Variants in SSBP2 observed in about 807,000 individuals in gnomAD.
SSBP2 encodes single-stranded DNA-binding protein 2.
In SSBP2, 17 loss-of-function variants were observed where a neutral mutation model predicts 61.8. The ratio of observed to expected loss-of-function variants is 0.28; its 90% CI spans 0.19 to 0.41. The LOEUF is 0.41. Among genes scored for constraint, SSBP2 ranks in the 10% least tolerant of loss-of-function variants. The pLI, the probability that SSBP2 is intolerant of heterozygous loss-of-function variation, is 1.00. For missense variants in SSBP2, 310 were observed against 458.7 expected, an observed-to-expected ratio of 0.68 and a Z score of 2.96; for synonymous variants, 139 against 141.3, an observed-to-expected ratio of 0.98 and a Z score of 0.12.
At chr5:81,550,655 T>A (rs952496165) in intron 4 of SSBP2, among the ~76,000 whole-genome samples, 2 of 152,184 alleles carry the variant, frequency 1.3e-5, no homozygotes, top group African/African-American at 4.8e-5. Context: ...TCACAACATG[T>A]CAACAACTCT....
chr5:81,526,751 C>A (rs951597164), intron 4 of SSBP2, among the ~76,000 whole-genome samples: 1 of 151,902 alleles, frequency 6.6e-6, no homozygotes, highest in African/African-American at 2.4e-5. Flanking sequence ...TTGTGCTCAG[C>A]AGACCTTTGT....
intron 4 of SSBP2, 55 bp from the exon 5 acceptor site, chr5:81,513,772 C>A (rs1768798048): frequency 1.8e-6 from 2 of 1,141,832 alleles, no homozygotes; most frequent in Non-Finnish European, 2.6e-6. Context: ...GGCACAAAAC[C>A]AAAGACTAAT....
At chr5:81,622,883 G>A (rs538558336) in intron 3 of SSBP2, among the ~76,000 whole-genome samples, 17 of 152,252 alleles carry the variant, frequency 1.1e-4, no homozygotes, top group Admixed American at 2.0e-4. Context: ...GGGGAAAAAC[G>A]TGAAAAACTG....
At chr5:81,462,035 T>C (rs1182619911) in intron 9 of SSBP2, among the ~76,000 whole-genome samples, 2 of 152,158 alleles carry the variant, frequency 1.3e-5, no homozygotes, top group African/African-American at 4.8e-5. Flanking sequence ...AAAAATCCCT[T>C]GATTCTAAGA....
chr5:81,482,181 T>A (rs977453240), intron 6 of SSBP2, among the ~76,000 whole-genome samples: 48 of 152,206 alleles, frequency 3.2e-4, no homozygotes, highest in African/African-American at 1.1e-3. Flanking sequence ...TGATCTCAAG[T>A]TATCCATGTG....
At chr5:81,583,358 A>C (rs146337631) in intron 4 of SSBP2, among the ~76,000 whole-genome samples, 2 of 152,058 alleles carry the variant, frequency 1.3e-5, no homozygotes, top group African/African-American at 2.4e-5. Flanking sequence ...GGCTGGGCGC[A>C]GTGGCTCACG....
chr5:81,517,039 A>G (rs1165714021), intron 4 of SSBP2, among the ~76,000 whole-genome samples: 3 of 152,094 alleles, frequency 2.0e-5, no homozygotes, highest in Admixed American at 1.3e-4. Flanking sequence ...GAACTACTAG[A>G]AAGCATTAGT....
At chr5:81,624,981 T>C (rs1015746324) in intron 3 of SSBP2, among the ~76,000 whole-genome samples, 2 of 152,166 alleles carry the variant, frequency 1.3e-5, no homozygotes, top group Non-Finnish European at 2.9e-5. Context: ...AAACTAGTGA[T>C]GAATTCAAAA....
Position 81,431,663 on chromosome 5 carries a change from C to T in SSBP2, c.958-2980G>A, listed in dbSNP as rs528309913. Among the ~76,000 whole-genome samples, 45 of 152,130 alleles carry T rather than the reference C, an allele frequency of 3.0e-4. 1 individual carries two copies. In the South Asian group the frequency reaches 8.7e-3, roughly 30 times the overall value. The stretch of plus-strand genomic sequence containing the variant: ...ACAGTGGTGAGATCACAGCTCATTG[C>T]AGCCTTGGACTCTTGGGCTCAAGTG... On this transcript the variant is annotated intron_variant, in intron 15 of 16. Coordinates refer to ENST00000320672, the MANE Select transcript of SSBP2 (RefSeq NM_012446.5).
At chr5:81,477,445 TG>T (rs1765666594) in intron 6 of SSBP2, among the ~76,000 whole-genome samples, 1 of 152,228 alleles carries the variant, frequency 6.6e-6, no homozygotes, top group African/African-American at 2.4e-5. Flanking sequence ...TTTCTAGGTT[TG>T]TAAGTATTTT....
chr5:81,681,162 C>G lies in SSBP2; in HGVS notation c.63-30823G>C, dbSNP rs538321910. On this transcript the variant is annotated intron_variant, in intron 1 of 16. Coordinates refer to ENST00000320672, the MANE Select transcript of SSBP2 (RefSeq NM_012446.5). ...TATTTGGAGGTTAAACAATGCACTT[C>G]TAAACACACACACAAGTCAAAGAAG... is the stretch of plus-strand genomic sequence containing the variant. 7.0e-4 allele frequency among the ~76,000 whole-genome samples: 106 copies of G among 152,216 alleles called. 1 individual carries two copies. Among genetic ancestry groups the G allele is most frequent in the Non-Finnish European group, 1.2e-3 (85 of 68,004 alleles).
intron 6 of SSBP2, among the ~76,000 whole-genome samples, chr5:81,482,108 A>G (rs1766036071): frequency 6.6e-6 from 1 of 151,850 alleles, no homozygotes; most frequent in Non-Finnish European, 1.5e-5. Flanking sequence ...AGCCCAGCTA[A>G]TTTTCTGTAT....
intron 1 of SSBP2, among the ~76,000 whole-genome samples, chr5:81,689,485 T>A (rs1753050776): frequency 6.7e-6 from 1 of 149,588 alleles, no homozygotes; most frequent in African/African-American, 2.5e-5. Context: ...GAGAAACAAA[T>A]AACATACAAT....
rs1580616995 is a variant in SSBP2 at position 81,414,368 on chromosome 5, C to T, written c.*6136G>A. On this transcript the variant is annotated 3_prime_UTR_variant, in exon 17 of 17. Coordinates refer to ENST00000320672, the MANE Select transcript of SSBP2 (RefSeq NM_012446.5). ...CTTCTATTCAAGAAAACCAATTATA[C>T]TAAGTTAACAGGGAAAATTTAACAG... The T allele has an allele frequency of 6.6e-6, 1 of 152,054 alleles. No individual in the cohort carries two copies. Among genetic ancestry groups the T allele is most frequent in the South Asian group, 2.1e-4 (1 of 4,818 alleles). 9.4% of individuals were successfully genotyped at this position (152,054 alleles called of 1,614,324 possible).
intron 1 of SSBP2, among the ~76,000 whole-genome samples, chr5:81,685,223 C>T (rs1752685095): frequency 6.6e-6 from 1 of 152,124 alleles, no homozygotes; most frequent in Admixed American, 6.6e-5. Flanking sequence ...AATCTCTTCT[C>T]TTCATAAATT....
At chr5:81,604,156 A>G (rs1473355104) in intron 4 of SSBP2, among the ~76,000 whole-genome samples, 2 of 152,048 alleles carry the variant, frequency 1.3e-5, no homozygotes, top group African/African-American at 2.4e-5. Context: ...GAAGTGGATC[A>G]TTGTAAAGTT....
chr5:81,653,052 C>G (rs1042556792), intron 1 of SSBP2, among the ~76,000 whole-genome samples: 11 of 151,734 alleles, frequency 7.2e-5, no homozygotes, highest in African/African-American at 2.7e-4. Flanking sequence ...CACTCATCAA[C>G]CCCTCATCTA....
At chr5:81,528,881 T>C (rs1291669324) in intron 4 of SSBP2, among the ~76,000 whole-genome samples, 1 of 152,010 alleles carries the variant, frequency 6.6e-6, no homozygotes, top group East Asian at 1.9e-4. Context: ...CTGACAAAAT[T>C]GCAAAGAGAA....
intron 4 of SSBP2, among the ~76,000 whole-genome samples, chr5:81,611,503 T>C (rs1035751816): frequency 1.2e-4 from 19 of 152,200 alleles, no homozygotes; most frequent in South Asian, 6.2e-4. Context: ...TAGTAAGTTA[T>C]AAATTTTATG....
Sources: allele counts gnomAD v4.1 joint callset (sites outside exome capture counted in the v4.1 genomes callset), GRCh38; gene constraint gnomAD v4.1.1; transcripts MANE v1.5; gene names NCBI Gene and HGNC (gene_info 2026-07-23, HGNC 2026-07-21).